The following UBE2E2 variants were observed in gnomAD, a reference collection of about 807,000 sequenced individuals.
UBE2E2 encodes the protein ubiquitin-conjugating enzyme E2 E2.
A neutral mutation model predicts 24.7 loss-of-function variants in UBE2E2; 6 were observed. The ratio of observed to expected loss-of-function variants is 0.24; its 90% CI spans 0.13 to 0.48. UBE2E2 has a LOEUF of 0.48. UBE2E2 is among the 20% of genes least tolerant of loss of function. The pLI, the probability that UBE2E2 is intolerant of heterozygous loss-of-function variation, is 0.99. For missense variants in UBE2E2, 169 were observed against 245.0 expected (o/e 0.69, Z 2.07); for synonymous variants, 104 against 83.6 (o/e 1.24, Z -1.33).
Position 23,363,105 on chromosome 3 carries a change from A to G in UBE2E2, c.228-136503A>G, listed in dbSNP as rs148103100. Among the ~76,000 whole-genome samples, 6 of 152,364 alleles carry G rather than the reference A, an allele frequency of 3.9e-5. No individual in the cohort carries two copies. In the East Asian group the frequency reaches 1.2e-3, roughly 29 times the overall value. ...TTTAAGACAAGCAAATGCTAAGAGT[A>G]TTTGTTACCACCAGACTTGCTTTAC... is the stretch of plus-strand genomic sequence containing the variant. On this transcript the variant is annotated intron_variant, in intron 3 of 5. Coordinates refer to ENST00000396703, the MANE Select transcript of UBE2E2 (RefSeq NM_152653.4).
At chr3:23,541,611 T>C (rs1268517883) in intron 5 of UBE2E2, among the ~76,000 whole-genome samples, 1 of 152,252 alleles carries the variant, frequency 6.6e-6, no homozygotes, top group East Asian at 1.9e-4. Context: ...AAGAACTTTC[T>C]GCTTAAGAGT....
chr3:23,578,839 G>A (rs1696403275), intron 5 of UBE2E2, among the ~76,000 whole-genome samples: 1 of 152,174 alleles, frequency 6.6e-6, no homozygotes, highest in African/African-American at 2.4e-5. Context: ...ATACCTAGGT[G>A]ATAGGATGAT....
At chr3:23,277,571 C>T (rs1698399340) in intron 3 of UBE2E2, among the ~76,000 whole-genome samples, 1 of 152,036 alleles carries the variant, frequency 6.6e-6, no homozygotes, top group Non-Finnish European at 1.5e-5. Context: ...ATCATTTCTC[C>T]TTTGTTTTTT....
At chr3:23,557,265 A>G (rs955220659) in intron 5 of UBE2E2, among the ~76,000 whole-genome samples, 3 of 152,238 alleles carry the variant, frequency 2.0e-5, no homozygotes, top group African/African-American at 7.2e-5. Flanking sequence ...TGGCAGGCTC[A>G]TTGAATGCTT....
chr3:23,325,342 T>C (rs1371933834), intron 3 of UBE2E2, among the ~76,000 whole-genome samples: 1 of 152,164 alleles, frequency 6.6e-6, no homozygotes, highest in African/African-American at 2.4e-5. Flanking sequence ...TTTTCACAAT[T>C]TACATACTAA....
chr3:23,401,685 T>C (rs868418761), intron 3 of UBE2E2, among the ~76,000 whole-genome samples: 1 of 152,006 alleles, frequency 6.6e-6, no homozygotes, highest in African/African-American at 2.4e-5. Flanking sequence ...TACATATGTA[T>C]AAATATATAT....
At chr3:23,484,289 A>G (rs1163825568) in intron 3 of UBE2E2, among the ~76,000 whole-genome samples, 2 of 152,088 alleles carry the variant, frequency 1.3e-5, no homozygotes, top group Non-Finnish European at 2.9e-5. Context: ...CCTGGAGGAG[A>G]TGTAGTTCAT....
chr3:23,204,227 G>C (rs1197796852), intron 1 of UBE2E2, among the ~76,000 whole-genome samples: 1 of 135,442 alleles, frequency 7.4e-6, no homozygotes, highest in Non-Finnish European at 1.5e-5. Context: ...TGAAGATAAA[G>C]CGTGGCTTCT....
rs937626578 is a variant in UBE2E2 at position 23,542,215 on chromosome 3, C to T, written c.508+9514C>T. Reference sequence around the variant, plus strand: ...TGTATTTTTTAATCTTGGTAATAGCCTACTAGGGATGGTATATTTTAACTT... The same window carrying T: ...TGTATTTTTTAATCTTGGTAATAGCTTACTAGGGATGGTATATTTTAACTT... On this transcript the variant is annotated intron_variant, in intron 5 of 5. Coordinates refer to ENST00000396703, the MANE Select transcript of UBE2E2 (RefSeq NM_152653.4). Among the ~76,000 whole-genome samples the T allele has an allele frequency of 4.1e-4, 62 of 152,082 alleles. 1 individual carries two copies. Among genetic ancestry groups the T allele is most frequent in the Admixed American group, 5.9e-4 (9 of 15,260 alleles).
chr3:23,506,879 C>T (rs1309326146), intron 4 of UBE2E2, among the ~76,000 whole-genome samples: 2 of 152,152 alleles, frequency 1.3e-5, no homozygotes, highest in Non-Finnish European at 2.9e-5. Flanking sequence ...GCAATCCGTC[C>T]GCCTCAGCGT....
chr3:23,245,809 T>G (rs1210537059), intron 3 of UBE2E2, among the ~76,000 whole-genome samples: 1 of 152,218 alleles, frequency 6.6e-6, no homozygotes, highest in Non-Finnish European at 1.5e-5. Context: ...TCTTGACCTT[T>G]GTAAAATGAA....
chr3:23,396,913 G>A (rs1041768313), intron 3 of UBE2E2, among the ~76,000 whole-genome samples: 1 of 152,146 alleles, frequency 6.6e-6, no homozygotes, highest in African/African-American at 2.4e-5. Context: ...TGGACAAGTG[G>A]GAGCTAGAAA....
chr3:23,504,592 A>T (rs529815842), intron 4 of UBE2E2, among the ~76,000 whole-genome samples: 1 of 152,264 alleles, frequency 6.6e-6, no homozygotes, highest in Admixed American at 6.5e-5. Context: ...CACTCCCCTC[A>T]GCTTTTAGGA....
intron 3 of UBE2E2, among the ~76,000 whole-genome samples, chr3:23,462,026 C>G (rs1698813989): frequency 6.6e-6 from 1 of 151,896 alleles, no homozygotes; most frequent in Admixed American, 6.6e-5. Flanking sequence ...CATAAATATC[C>G]CACTATGGAA....
chr3:23,292,088 G>A (rs150846774), intron 3 of UBE2E2, among the ~76,000 whole-genome samples: 2,213 of 152,056 alleles, frequency 0.015, 52 homozygotes, highest in African/African-American at 0.051. Context: ...TTGATCTCCT[G>A]ACCTCGTGAT....
chr3:23,357,668 A>G (rs1260691470), intron 3 of UBE2E2, among the ~76,000 whole-genome samples: 1 of 152,124 alleles, frequency 6.6e-6, no homozygotes. Context: ...AAAACAGTAA[A>G]TATATTGAAT....
At chr3:23,303,755 C>T (rs1699169056) in intron 3 of UBE2E2, among the ~76,000 whole-genome samples, 1 of 152,190 alleles carries the variant, frequency 6.6e-6, no homozygotes, top group African/African-American at 2.4e-5. Flanking sequence ...CAAGTTACTA[C>T]AAGAGGTAGA....
chr3:23,488,345 A>G (rs1430194071), intron 3 of UBE2E2, among the ~76,000 whole-genome samples: 1 of 151,836 alleles, frequency 6.6e-6, no homozygotes, highest in Admixed American at 6.6e-5. Context: ...TCCAAATGTT[A>G]TTCCTCCGCT....
intron 3 of UBE2E2, among the ~76,000 whole-genome samples, chr3:23,278,763 A>G (rs527901715): frequency 2.6e-5 from 4 of 152,248 alleles, no homozygotes; most frequent in South Asian, 2.1e-4. Flanking sequence ...TTTGAAACCA[A>G]TTTAGAATAA....
Sources: gnomAD v4.1 joint callset for allele counts (sites outside exome capture counted in the v4.1 genomes callset) on GRCh38, gnomAD v4.1.1 for gene constraint, MANE v1.5 for transcripts, NCBI Gene and HGNC (gene_info 2026-07-23, HGNC 2026-07-21) for gene names.